The following CCDC73 variants were observed in gnomAD, a reference collection of about 807,000 sequenced individuals.
The protein encoded by CCDC73 is coiled-coil domain-containing protein 73.
Under a neutral mutation model 116.5 loss-of-function variants are expected in CCDC73, and 95 were observed. The ratio of observed to expected loss-of-function variants is 0.82; its 90% CI spans 0.69 to 0.97. The LOEUF is 0.97. Ranked by LOEUF, CCDC73 falls within the 50% of genes least tolerant of loss-of-function variation. The pLI, the probability that CCDC73 is intolerant of heterozygous loss-of-function variation, is 0.00. For missense variants in CCDC73, 1,066 were observed against 1,206.8 expected, an observed-to-expected ratio of 0.88 and a Z score of 1.73; for synonymous variants, 398 against 401.3, an observed-to-expected ratio of 0.99 and a Z score of 0.10.
intron 1 of CCDC73, among the ~76,000 whole-genome samples, chr11:32,792,400 G>A (rs1434224008): frequency 6.6e-6 from 1 of 152,120 alleles, no homozygotes; most frequent in Non-Finnish European, 1.5e-5. Context: ...GACTAATGTC[G>A]GCTGTAATCA....
intron 9 of CCDC73, among the ~76,000 whole-genome samples, chr11:32,672,553 C>A (rs1386815469): frequency 6.6e-6 from 1 of 151,908 alleles, no homozygotes; most frequent in Non-Finnish European, 1.5e-5. Flanking sequence ...ATAAATGAAC[C>A]AAAGAGACAT....
intron 12 of CCDC73, among the ~76,000 whole-genome samples, chr11:32,649,037 G>T (rs1855804303): frequency 6.6e-6 from 1 of 152,136 alleles, no homozygotes; most frequent in Non-Finnish European, 1.5e-5. Flanking sequence ...TGAGCTCTAA[G>T]TCCAGTACTT....
At chr11:32,775,159 G>A (rs987361832) in intron 1 of CCDC73, among the ~76,000 whole-genome samples, 1 of 152,146 alleles carries the variant, frequency 6.6e-6, no homozygotes, top group Non-Finnish European at 1.5e-5. Flanking sequence ...TCAGCTTTGG[G>A]AGCCAGTGTT....
the CCDC73 span, among the ~76,000 whole-genome samples, chr11:32,826,533 A>T: frequency 4.6e-5 from 7 of 151,776 alleles, no homozygotes; most frequent in Non-Finnish European, 8.8e-5. Context: ...AAATTCAGAG[A>T]TGCATTATCA....
chr11:32,740,783 T>C (rs1850176692), intron 2 of CCDC73, among the ~76,000 whole-genome samples: 3 of 152,048 alleles, frequency 2.0e-5, no homozygotes. Context: ...ATTTGAAGTT[T>C]TTCTTTTTTT....
Position 32,614,461 on chromosome 11 carries a change from A to G in CCDC73, c.1857T>C (p.Ile619=), listed in dbSNP as rs368316206. ...CTGCTTTGGTTTGGTCACTATTTGT[A>G]ATTTCCTTCTCTAGAGCATGTTCTC... The part of the protein sequence containing the change: ...GTREHALEKE[I]TNSDQTKADL... Residue 619 remains isoleucine, a synonymous_variant, in exon 16 of 18, where the codon ATT becomes ATC. Transcript: ENST00000335185. The G allele has an allele frequency of 2.9e-5, 46 of 1,613,376 alleles. No homozygotes were observed. The highest frequency in any genetic ancestry group is 4.5e-5 in the East Asian group (2 of 44,828).
In CCDC73 at chr11:32,654,928, T is replaced by A; in HGVS notation, c.690A>T (p.Thr230=). 1.2e-6 allele frequency: 2 copies of A among 1,604,346 alleles called. No homozygotes were observed. Among genetic ancestry groups the A allele is most frequent in the African/African-American group, 1.3e-5 (1 of 74,390 alleles). Residue 230 remains threonine, a synonymous_variant, in exon 10 of 18, where the codon ACA becomes ACT. Coordinates refer to ENST00000335185, the MANE Select transcript of CCDC73 (RefSeq NM_001008391.4). ...TTTCTTCTCCCATCTTATATTGACA[T>A]GTGACTTTGGACTTTATCAAGTCTG... ...AASDLIKSKV[T]CQYKMGEENI... is the part of the protein sequence containing the mutation.
At chr11:32,673,892 G>A (rs1287147408) in intron 9 of CCDC73, among the ~76,000 whole-genome samples, 2 of 152,194 alleles carry the variant, frequency 1.3e-5, no homozygotes, top group African/African-American at 4.8e-5. Context: ...GAGGTTACTG[G>A]AACCCCAAAA....
the CCDC73 span, among the ~76,000 whole-genome samples, chr11:32,813,955 G>T: frequency 3.2e-4 from 49 of 152,156 alleles, no homozygotes; most frequent in African/African-American, 1.2e-3. Context: ...AATTTTCATT[G>T]TATTATACTG....
intron 14 of CCDC73, among the ~76,000 whole-genome samples, chr11:32,619,650 G>C (rs990795719): frequency 1.3e-5 from 2 of 149,094 alleles, no homozygotes; most frequent in African/African-American, 2.4e-5. Flanking sequence ...TCCAGCCTGG[G>C]TGACAGAGGG....
chr11:32,766,283 A>T (rs907153137), intron 1 of CCDC73, among the ~76,000 whole-genome samples: 5 of 152,200 alleles, frequency 3.3e-5, no homozygotes, highest in African/African-American at 1.2e-4. Flanking sequence ...ACTCTCAATA[A>T]ATTCGGTATT....
At chr11:32,606,731 A>G (rs1428458978) in intron 17 of CCDC73, among the ~76,000 whole-genome samples, 2 of 151,936 alleles carry the variant, frequency 1.3e-5, no homozygotes, top group Non-Finnish European at 2.9e-5. Context: ...GTTATTTCAC[A>G]TTTATGTCAC....
intron 1 of CCDC73, among the ~76,000 whole-genome samples, chr11:32,761,736 C>T (rs1850394010): frequency 6.6e-6 from 1 of 151,904 alleles, no homozygotes; most frequent in Non-Finnish European, 1.5e-5. Context: ...GCAAAAGACT[C>T]ATATGCACAT....
At chr11:32,690,926 G>T (rs1473138147) in intron 6 of CCDC73, among the ~76,000 whole-genome samples, 2 of 151,994 alleles carry the variant, frequency 1.3e-5, no homozygotes, top group Non-Finnish European at 2.9e-5. Context: ...ACATTCTATG[G>T]GTTTGGACAA....
At chr11:32,724,675 T>A (rs1850016221) in intron 2 of CCDC73, among the ~76,000 whole-genome samples, 1 of 152,120 alleles carries the variant, frequency 6.6e-6, no homozygotes, top group Non-Finnish European at 1.5e-5. Context: ...CTTATTTTTC[T>A]ACATGCCAAT....
chr11:32,794,260 T>A (rs1331477555), intron 1 of CCDC73: 1 of 152,142 alleles, frequency 6.6e-6, no homozygotes, highest in African/African-American at 2.4e-5. Context: ...AAGGCAAATA[T>A]GAGGTTTAAA....
chr11:32,684,143 G>A (rs899578036), intron 6 of CCDC73, among the ~76,000 whole-genome samples: 14 of 152,102 alleles, frequency 9.2e-5, no homozygotes, highest in Non-Finnish European at 1.9e-4. Context: ...AACTTCCTGG[G>A]CTCAAGCAAT....
intron 2 of CCDC73, among the ~76,000 whole-genome samples, chr11:32,720,268 G>A (rs987435287): frequency 2.0e-5 from 3 of 152,006 alleles, no homozygotes; most frequent in Non-Finnish European, 2.9e-5. Flanking sequence ...ACATCAATAC[G>A]CTAATCATAT....
chr11:32,667,361 G>T (rs1855994698), intron 9 of CCDC73, among the ~76,000 whole-genome samples: 1 of 152,198 alleles, frequency 6.6e-6, no homozygotes, highest in African/African-American at 2.4e-5. Flanking sequence ...CCTCAGCAAT[G>T]GTGGGTGCCC....
Sources: gnomAD v4.1 joint callset for allele counts (sites outside exome capture counted in the v4.1 genomes callset) on GRCh38, gnomAD v4.1.1 for gene constraint, MANE v1.5 for transcripts, NCBI Gene and HGNC (gene_info 2026-07-23, HGNC 2026-07-21) for gene names.